RGS13: variants seen among roughly 807,000 people sequenced by gnomAD.
The protein encoded by RGS13 is regulator of G protein signaling 13.
Under a neutral mutation model 19.9 loss-of-function variants are expected in RGS13, and 14 were observed. That is an observed-to-expected ratio of 0.70 (90% confidence interval 0.46 to 1.10). The LOEUF is 1.10. Among genes scored for constraint, RGS13 ranks in the 50% least tolerant of loss-of-function variants. RGS13 has a pLI of 0.00. For missense variants in RGS13, 205 were observed against 187.1 expected, an observed-to-expected ratio of 1.10 and a Z score of -0.56; for synonymous variants, 60 against 56.8, an observed-to-expected ratio of 1.06 and a Z score of -0.25.
At chr1:192,637,928 T>G (rs1207414963) in intron 2 of RGS13, among the ~76,000 whole-genome samples, 9 of 152,098 alleles carry the variant, frequency 5.9e-5, no homozygotes, top group African/African-American at 2.2e-4. Flanking sequence ...TTGTAAAAAA[T>G]TAGAACATTC....
At chr1:192,647,220 C>T (rs1162265555) in intron 4 of RGS13, 1 of 152,092 alleles carries the variant, frequency 6.6e-6, no homozygotes, top group Non-Finnish European at 1.5e-5. Context: ...CTTTTAAAAG[C>T]AATTTGGCAG....
At chr1:192,652,775 T>C (rs1242571959) in intron 5 of RGS13, among the ~76,000 whole-genome samples, 1 of 151,882 alleles carries the variant, frequency 6.6e-6, no homozygotes, top group African/African-American at 2.4e-5. Flanking sequence ...AAGCCCAAAT[T>C]GACATGTGTT....
chr1:192,653,967 G>A (rs989451982), intron 5 of RGS13, among the ~76,000 whole-genome samples: 2 of 151,816 alleles, frequency 1.3e-5, no homozygotes, highest in African/African-American at 2.4e-5. Context: ...TGGGGGGAGC[G>A]GGGAGGGATA....
At chr1:192,653,364 A>G (rs1221698604) in intron 5 of RGS13, among the ~76,000 whole-genome samples, 2 of 152,120 alleles carry the variant, frequency 1.3e-5, no homozygotes, top group African/African-American at 4.8e-5. Flanking sequence ...CAGCACTGAC[A>G]CTGCCATTGG....
At chr1:192,648,509 C>T (rs1479592196) in intron 5 of RGS13, among the ~76,000 whole-genome samples, 1 of 152,000 alleles carries the variant, frequency 6.6e-6, no homozygotes, top group Non-Finnish European at 1.5e-5. Context: ...AAGTCATGGG[C>T]TCAGTGCAGG....
intron 5 of RGS13, among the ~76,000 whole-genome samples, chr1:192,649,223 A>G (rs1282311808): frequency 1.3e-5 from 2 of 152,168 alleles, no homozygotes; most frequent in Non-Finnish European, 2.9e-5. Context: ...CCAATTTGCC[A>G]GCATGAATGT....
At chr1:192,658,600 C>G (rs1031444575) in intron 6 of RGS13, 23 of 384,778 alleles carry the variant, frequency 6.0e-5, no homozygotes, top group Non-Finnish European at 1.0e-4. Context: ...ATCTATCTGG[C>G]TCCAAAGCTT....
intron 5 of RGS13, among the ~76,000 whole-genome samples, chr1:192,649,901 T>A (rs1190660379): frequency 6.6e-6 from 1 of 152,152 alleles, no homozygotes; most frequent in African/African-American, 2.4e-5. Flanking sequence ...TGTATTGGGT[T>A]TTTTATATAG....
chr1:192,656,900 G>A (rs1315956705), intron 5 of RGS13, among the ~76,000 whole-genome samples: 1 of 152,020 alleles, frequency 6.6e-6, no homozygotes, highest in Non-Finnish European at 1.5e-5. Flanking sequence ...GCTTTCTAGT[G>A]CTGGAAAACT....
At chr1:192,658,631 A>G (rs1399233938) in intron 6 of RGS13, 2 of 322,610 alleles carry the variant, frequency 6.2e-6, no homozygotes, top group African/African-American at 4.3e-5. Flanking sequence ...AATTATCTTG[A>G]TTTCTAGGAA....
At chr1:192,650,174 T>A (rs1455773116) in intron 5 of RGS13, among the ~76,000 whole-genome samples, 3 of 152,112 alleles carry the variant, frequency 2.0e-5, no homozygotes, top group Admixed American at 6.6e-5. Context: ...GTCATCTGCC[T>A]TGCTAGAATC....
At chr1:192,647,762 T>C in intron 4 of RGS13, 164 bp from the exon 5 acceptor site, 1 of 327,568 alleles carries the variant, frequency 3.1e-6, no homozygotes, top group Non-Finnish European at 5.6e-6. Context: ...ATAGTAAAAA[T>C]AAAATGTAAA....
intron 5 of RGS13, among the ~76,000 whole-genome samples, chr1:192,651,512 T>C (rs138390404): frequency 2.8e-4 from 42 of 152,186 alleles, no homozygotes; most frequent in Admixed American, 2.0e-3. Context: ...TGTAGGATGA[T>C]GGCAACAATT....
Position 192,658,296 on chromosome 1 carries a change from T to C in RGS13, c.223T>C (p.Ser75Pro). 1 of 1,613,584 alleles carries C rather than the reference T, an allele frequency of 6.2e-7. No homozygotes were observed. Among genetic ancestry groups the C allele is most frequent in the Admixed American group, 1.7e-5 (1 of 59,922 alleles). ...ATGTGAAACCTATAAGAAAATTGCC[T>C]CACGGTGGAGCAGAATTTCTAGGGC... ...MACETYKKIA[S>P]RWSRISRAKK... Residue 75 changes from serine to proline, a missense_variant, in exon 6 of 7, where the codon TCA (serine) becomes CCA (proline). Ser to Pro is a moderately conservative substitution (Grantham distance 74). Coordinates refer to ENST00000391995, the MANE Select transcript of RGS13 (RefSeq NM_002927.5).
intron 5 of RGS13, among the ~76,000 whole-genome samples, chr1:192,654,250 T>C (rs542813279): frequency 6.6e-6 from 1 of 151,966 alleles, no homozygotes; most frequent in East Asian, 1.9e-4. Flanking sequence ...GGGCTGACTG[T>C]ATGCCATTAT....
chr1:192,648,672 GT>G (rs202054102), intron 5 of RGS13, among the ~76,000 whole-genome samples: 5 of 151,924 alleles, frequency 3.3e-5, no homozygotes, highest in African/African-American at 9.7e-5. Flanking sequence ...GAATTTGGTA[GT>G]TTTTTTTAAA....
chr1:192,654,757 A>C (rs1663405099), intron 5 of RGS13, among the ~76,000 whole-genome samples: 1 of 152,076 alleles, frequency 6.6e-6, no homozygotes, highest in Non-Finnish European at 1.5e-5. Flanking sequence ...TTCTGCATCA[A>C]GAACACTGGC....
At chr1:192,654,480 C>G (rs1385511789) in intron 5 of RGS13, among the ~76,000 whole-genome samples, 1 of 151,690 alleles carries the variant, frequency 6.6e-6, no homozygotes, top group East Asian at 1.9e-4. Flanking sequence ...GCATAGAAGC[C>G]ACAACAGAGA....
intron 6 of RGS13, 39 bp from the exon 7 acceptor site, chr1:192,659,299 A>G (rs1176205136): frequency 1.5e-5 from 22 of 1,514,160 alleles, no homozygotes; most frequent in Non-Finnish European, 1.8e-5. Context: ...TTTTTCAACT[A>G]TGCTAACTTA....
Sources: gnomAD v4.1 joint callset for allele counts (sites outside exome capture counted in the v4.1 genomes callset) on GRCh38, gnomAD v4.1.1 for gene constraint, MANE v1.5 for transcripts, NCBI Gene and HGNC (gene_info 2026-07-23, HGNC 2026-07-21) for gene names.